The following GRTP1 variants were observed in gnomAD, a reference collection of about 807,000 sequenced individuals.
GRTP1 encodes the protein growth hormone regulated TBC protein 1.
A neutral mutation model predicts 38.1 loss-of-function variants in GRTP1; 56 were observed. The observed-to-expected ratio is 1.47, with a 90% confidence interval of 1.19 to 1.84. The LOEUF is 1.84. Ranked by LOEUF, GRTP1 falls within the 40% of genes most tolerant of loss-of-function variation. The probability of loss-of-function intolerance (pLI) is 0.00; values close to 1 mark genes in which losing one functional copy is unlikely to be tolerated. For missense variants in GRTP1, 506 were observed against 453.9 expected (o/e 1.11, Z -1.04); for synonymous variants, 217 against 189.5 (o/e 1.14, Z -1.19).
At chr13:113,347,223 C>T (rs796677550) in intron 4 of GRTP1, among the ~76,000 whole-genome samples, 7 of 63,424 alleles carry the variant, frequency 1.1e-4, no homozygotes, top group Admixed American at 5.0e-4. Flanking sequence ...CCCAGGAGGA[C>T]CTCTGTGGCT....
Position 113,336,440 on chromosome 13 carries a change from G to A in GRTP1, c.562+8423C>T, listed in dbSNP as rs148352746. On this transcript the variant is annotated intron_variant, in intron 5 of 7. Transcript: ENST00000375431. ...GAAAGCAAAGTGCCCTCGGTGTGCC[G>A]AGCACTAGGAAAGGCCAACTTGGAC... 1.8e-3 allele frequency among the ~76,000 whole-genome samples: 278 copies of A among 152,166 alleles called. 5 individuals carry two copies. In the East Asian group the frequency reaches 0.034, roughly 18 times the overall value.
rs370993793 is a variant in GRTP1, at chr13:113,325,925, G to T, written c.729C>A (p.Pro243=). 2 of 1,613,634 alleles carry T rather than the reference G, an allele frequency of 1.2e-6. No homozygotes were observed. Among genetic ancestry groups the T allele is most frequent in the African/African-American group, 1.3e-5 (1 of 74,844 alleles). The change falls in exon 6 of 8, where the codon CCC becomes CCA. Residue 243 remains proline, a synonymous_variant. Transcript: ENST00000375431. ...WFICLFVDIL[P]VETVLRIWDC... ...GCCCGAGTGAGGCGCTCACCTCCAC[G>T]GGCAAGATGTCCACAAACAGGCAGA...
rs1172794761 is a variant in GRTP1, at chr13:113,326,050, C to A, written c.604G>T (p.Glu202Ter). ...PAMLGLKTDQEVLGELVRAKL... is the reference protein window; with the variant it reads ...PAMLGLKTDQ ...GCCCGCACCAGCTCCCCGAGGACCTCCTGGTCGGTCTTCAGGCCCAGCATG... is the reference window on the plus strand; with the variant it reads ...GCCCGCACCAGCTCCCCGAGGACCTACTGGTCGGTCTTCAGGCCCAGCATG... The change falls in exon 6 of 8, where the codon GAG (glutamate) becomes TAG (stop). Residue 202 changes from glutamate (E) to a stop codon, truncating the protein, a stop_gained. Transcript: ENST00000375431. LOFTEE classifies it high-confidence loss of function. 4 of 1,612,330 alleles carry A rather than the reference C, an allele frequency of 2.5e-6. No individual in the cohort carries two copies. The highest frequency in any genetic ancestry group is 3.4e-6 in the Non-Finnish European group (4 of 1,179,960).
chr13:113,342,262 T>C lies in GRTP1; in HGVS notation c.562+2601A>G, dbSNP rs554779000. Among the ~76,000 whole-genome samples, 5 of 152,190 alleles carry C rather than the reference T, an allele frequency of 3.3e-5. No individual in the cohort carries two copies. In the East Asian group the frequency reaches 7.7e-4, roughly 24 times the overall value. On this transcript the variant is annotated intron_variant, in intron 5 of 7. Coordinates refer to ENST00000375431, the MANE Select transcript of GRTP1 (RefSeq NM_024719.4). The surrounding 1 kb of genome is among the most constrained non-coding windows in gnomAD (Gnocchi z 4.5). ...ACTTTTTATTCTATAAAAAGTACTG[T>C]TGGGAGGCCGAGGCAGGCGGATCAC...
intron 2 of GRTP1, among the ~76,000 whole-genome samples, chr13:113,359,441 T>A (rs1055633020): frequency 3.3e-5 from 5 of 152,178 alleles, no homozygotes; most frequent in Non-Finnish European, 7.3e-5. Context: ...AAAAATTAGC[T>A]GGGCATGGTG....
At chr13:113,352,813 G>A (rs968001669) in intron 3 of GRTP1, among the ~76,000 whole-genome samples, 1 of 152,220 alleles carries the variant, frequency 6.6e-6, no homozygotes, top group Admixed American at 6.5e-5. Context: ...TCCACTGCAT[G>A]GCTCCTGAAA....
chr13:113,363,666 C>A, intron 2 of GRTP1, 96 bp downstream of exon 2: 4 of 1,284,524 alleles, frequency 3.1e-6, no homozygotes, highest in Non-Finnish European at 3.2e-6. Flanking sequence ...AAAGGTTCCT[C>A]CCCCTCCCTC....
At chr13:113,346,547 GCAAAGAGCAGACCCAGGAGGAC>G in intron 4 of GRTP1, among the ~76,000 whole-genome samples, 2 of 16,552 alleles carry the variant, frequency 1.2e-4, no homozygotes, top group African/African-American at 1.3e-4. Flanking sequence ...GACCTCTGTG[GCAAAGAGCAGACCCAGGAGGAC>G]CTCTGTGGCC....
At position 113,326,070 on chromosome 13, in the gene GRTP1, A is replaced by T; in HGVS notation, c.584T>A (p.Leu195Gln). 1 of 1,610,810 alleles carries T rather than the reference A, an allele frequency of 6.2e-7. No individual in the cohort carries two copies. The highest frequency in any genetic ancestry group is 1.1e-5 in the South Asian group (1 of 91,056). Residue 195 changes from leucine to glutamine, a missense_variant, in exon 6 of 8, where the codon CTG (leucine) becomes CAG (glutamine). Leu to Gln is a moderately radical substitution (Grantham distance 113). Coordinates refer to ENST00000375431, the MANE Select transcript of GRTP1 (RefSeq NM_024719.4). ...GACCTCCTGGTCGGTCTTCAGGCCC[A>T]GCATGGCCGGGCTGTAGTAATCTGC... ...ILPDYYSPAMLGLKTDQEVLG... is the reference protein window; with the variant it reads ...ILPDYYSPAMQGLKTDQEVLG...
intron 5 of GRTP1, among the ~76,000 whole-genome samples, chr13:113,330,499 TG>T (rs1487626375): frequency 1.5e-5 from 2 of 135,304 alleles, no homozygotes; most frequent in South Asian, 2.5e-4. Flanking sequence ...AGCCCAGGTG[TG>T]TGCATGGGAG....
chr13:113,334,884 G>A (rs944527513), intron 5 of GRTP1, among the ~76,000 whole-genome samples: 4 of 152,102 alleles, frequency 2.6e-5, no homozygotes, highest in African/African-American at 4.8e-5. Flanking sequence ...GTGCAGTGGC[G>A]CGATCTCGGC....
intron 5 of GRTP1, among the ~76,000 whole-genome samples, chr13:113,327,146 C>T (rs1003057022): frequency 6.6e-5 from 10 of 152,196 alleles, no homozygotes; most frequent in Admixed American, 4.6e-4. Context: ...TGTTTACCTA[C>T]GTAATTTTTT....
At chr13:113,346,339 GCCGAGAGCGGACCCAGGAGGAC>G (rs756041676) in intron 4 of GRTP1, among the ~76,000 whole-genome samples, 1 of 35,218 alleles carries the variant, frequency 2.8e-5, no homozygotes. Context: ...GACCTCTGTG[GCCGAGAGCGGACCCAGGAGGAC>G]CTCTGTGGCT....
In GRTP1 at chr13:113,324,232, A is replaced by ACACT; in HGVS notation, c.*252_*255dup. 2.3e-6 allele frequency: 1 copy of ACACT among 437,984 alleles called. No homozygotes were observed. Among genetic ancestry groups the ACACT allele is most frequent in the South Asian group, 7.2e-5 (1 of 13,852 alleles). 27.1% of individuals were successfully genotyped at this position (437,984 alleles called of 1,614,324 possible). A position where few individuals can be genotyped will look rare whatever the true frequency, so the allele number is the denominator to read the frequency against. The stretch of plus-strand genomic sequence containing the variant: ...GGCATACTTTATTAGATACAAACCC[A>ACACT]CACTCACATTTTATATATTATTGAT... On this transcript the variant is annotated 3_prime_UTR_variant, in exon 8 of 8. Transcript: ENST00000375431.
intron 2 of GRTP1, among the ~76,000 whole-genome samples, chr13:113,363,526 C>G (rs942988132): frequency 1.3e-5 from 2 of 152,172 alleles, no homozygotes; most frequent in Non-Finnish European, 2.9e-5. Context: ...TTGATCCATC[C>G]CGATATGGCT....
intron 4 of GRTP1, 104 bp downstream of exon 4, chr13:113,350,745 G>T: frequency 9.0e-7 from 1 of 1,111,318 alleles, no homozygotes; most frequent in Non-Finnish European, 1.3e-6. Context: ...TGGAATTCAT[G>T]AACAGGGTTG....
At chr13:113,326,246 C>T (rs1031054209) in intron 5 of GRTP1, 155 bp from the exon 6 acceptor site, 1 of 419,686 alleles carries the variant, frequency 2.4e-6, no homozygotes, top group African/African-American at 2.2e-5. Flanking sequence ...GGGGTGAGGC[C>T]TGCAGACACA....
chr13:113,325,431 G>A, intron 7 of GRTP1: 11 of 1,443,786 alleles, frequency 7.6e-6, no homozygotes, highest in South Asian at 5.9e-5. Flanking sequence ...ATTAGGACCA[G>A]GAGCAGCGTC....
intron 5 of GRTP1, among the ~76,000 whole-genome samples, chr13:113,327,335 C>T (rs1017541347): frequency 6.6e-6 from 1 of 152,192 alleles, no homozygotes; most frequent in Non-Finnish European, 1.5e-5. Flanking sequence ...CTCACCACCA[C>T]GCCCAAGCTA....
Sources: allele counts gnomAD v4.1 joint callset (sites outside exome capture counted in the v4.1 genomes callset), GRCh38; gene constraint gnomAD v4.1.1; non-coding constraint Gnocchi (gnomAD v3.1); transcripts MANE v1.5; gene names NCBI Gene and HGNC (gene_info 2026-07-23, HGNC 2026-07-21).